Variants in ADAMTS2 observed in about 807,000 individuals in gnomAD.
ADAMTS2 encodes the protein A disintegrin and metalloproteinase with thrombospondin motifs 2.
A neutral mutation model predicts 123.0 loss-of-function variants in ADAMTS2; 50 were observed. The ratio of observed to expected loss-of-function variants is 0.41; its 90% CI spans 0.32 to 0.51. ADAMTS2 has a LOEUF of 0.51. Ranked by LOEUF, ADAMTS2 falls within the 20% of genes least tolerant of loss-of-function variation. The pLI is 0.35. For missense variants in ADAMTS2, 1,494 were observed against 1,705.2 expected, an observed-to-expected ratio of 0.88 and a Z score of 2.18; for synonymous variants, 678 against 695.4, an observed-to-expected ratio of 0.98 and a Z score of 0.39.
chr5:179,127,755 C>A (rs2113195003), intron 17 of ADAMTS2, among the ~76,000 whole-genome samples: 1 of 152,250 alleles, frequency 6.6e-6, no homozygotes, highest in East Asian at 1.9e-4. Flanking sequence ...CACCCTTTGG[C>A]CACATTTGAC....
chr5:179,336,223 C>T lies in ADAMTS2; in HGVS notation c.534+7544G>A, dbSNP rs575286727. Among the ~76,000 whole-genome samples the T allele has an allele frequency of 6.6e-5, 10 of 152,348 alleles. No individual in the cohort carries two copies. The East Asian group carries it at 1.4e-3, about 21-fold the overall frequency. On this transcript the variant is annotated intron_variant, in intron 2 of 21. Coordinates refer to ENST00000251582, the MANE Select transcript of ADAMTS2 (RefSeq NM_014244.5). ...ACGACACTTCCAACGCAGTCCCTCACTGTCAACACCCTGGACACTCAAAAT... is the reference window on the plus strand; with the variant it reads ...ACGACACTTCCAACGCAGTCCCTCATTGTCAACACCCTGGACACTCAAAAT...
In ADAMTS2 at chr5:179,130,186, C is replaced by T. The variant is rs1762933914; in HGVS notation, c.2291-88G>A. 1 of 1,532,772 alleles carries T rather than the reference C, an allele frequency of 6.5e-7. No homozygotes were observed. Among genetic ancestry groups the T allele is most frequent in the African/African-American group, 1.4e-5 (1 of 73,416 alleles). 94.9% of individuals were successfully genotyped at this position (1,532,772 alleles called of 1,614,324 possible). ...GTTTGGGCTGGTCGGGGAGTGGGGG[C>T]AGCTAGCTGGACCCCTTGTCTCTCT... On this transcript the variant is annotated intron_variant, in intron 15 of 21. Coordinates refer to ENST00000251582, the MANE Select transcript of ADAMTS2 (RefSeq NM_014244.5). This position sits in a 1 kb window ranked among gnomAD's most constrained non-coding sequence, Gnocchi z 4.3.
At position 179,275,580 on chromosome 5, in the gene ADAMTS2, G is replaced by A. The variant is rs1041654957; in HGVS notation, c.535-2516C>T. On this transcript the variant is annotated intron_variant, in intron 2 of 21. Coordinates refer to ENST00000251582, the MANE Select transcript of ADAMTS2 (RefSeq NM_014244.5). ...GAGTGGAGGGGGATTAGGCAGATGC[G>A]CAGAGGACGAGGCCATGGGCAGACA... is the stretch of plus-strand genomic sequence containing the variant. Among the ~76,000 whole-genome samples, 4 of 152,178 alleles carry A rather than the reference G, an allele frequency of 2.6e-5. No individual in the cohort carries two copies. In the East Asian group the frequency reaches 5.8e-4, roughly 22 times the overall value.
intron 2 of ADAMTS2, among the ~76,000 whole-genome samples, chr5:179,299,861 G>C (rs1468969354): frequency 6.6e-6 from 1 of 151,822 alleles, no homozygotes; most frequent in Admixed American, 6.6e-5. Flanking sequence ...TTGGGAGGCT[G>C]AGGCGGGCGG....
chr5:179,150,303 G>A (rs754795137), intron 10 of ADAMTS2, among the ~76,000 whole-genome samples: 4 of 152,198 alleles, frequency 2.6e-5, no homozygotes, highest in African/African-American at 9.7e-5. Context: ...GTTCTGCCCC[G>A]CTCCTTCTGC....
Position 179,207,553 on chromosome 5 carries a change from T to C in ADAMTS2, c.851A>G (p.Lys284Arg). Residue 284 changes from lysine (K) to arginine (R), a missense_variant, in exon 4 of 22, where the codon AAG becomes AGG. By Grantham distance (26) the Lys-to-Arg change is conservative. Coordinates refer to ENST00000251582, the MANE Select transcript of ADAMTS2 (RefSeq NM_014244.5). ...VDDSVVQFHGKEHVQKYLLTL... is the reference protein window; with the variant it reads ...VDDSVVQFHGREHVQKYLLTL... ...CAGCAGGTACTTCTGTACGTGCTCCTTCCCGTGGAACTGCACCACAGAGTC... is the reference window on the plus strand; with the variant it reads ...CAGCAGGTACTTCTGTACGTGCTCCCTCCCGTGGAACTGCACCACAGAGTC... The C allele has an allele frequency of 6.6e-7, 1 of 1,505,196 alleles. No homozygotes were observed. Among genetic ancestry groups the C allele is most frequent in the Non-Finnish European group, 9.0e-7 (1 of 1,115,882 alleles). The allele number at this position is 1,505,196 out of a possible 1,614,324, so 93.2% of individuals were successfully genotyped here.
rs866036538 is a variant in ADAMTS2, at chr5:179,129,877, C to A, written c.2457+55G>T. 16 of 1,607,352 alleles carry A rather than the reference C, an allele frequency of 1.0e-5. No homozygotes were observed. The Middle Eastern group carries it at 2.6e-3, about 266-fold the overall frequency. On this transcript the variant is annotated intron_variant, in intron 16 of 21. Coordinates refer to ENST00000251582, the MANE Select transcript of ADAMTS2 (RefSeq NM_014244.5). The surrounding 1 kb of genome is among the most constrained non-coding windows in gnomAD (Gnocchi z 4.1). Reference sequence around the variant, plus strand: ...GCTCAGCGTCCCAGGCACCCCCATCCCTCCCCCAGTGGCCACCCGCACCCT... The same window carrying A: ...GCTCAGCGTCCCAGGCACCCCCATCACTCCCCCAGTGGCCACCCGCACCCT...
At chr5:179,243,078 G>A (rs536616104) in intron 3 of ADAMTS2, among the ~76,000 whole-genome samples, 2 of 151,854 alleles carry the variant, frequency 1.3e-5, no homozygotes, top group South Asian at 2.1e-4. Context: ...AGATTCTGGC[G>A]GCAAGAATTT....
chr5:179,214,006 G>A lies in ADAMTS2; in HGVS notation c.689-6291C>T, dbSNP rs187463090. On this transcript the variant is annotated intron_variant, in intron 3 of 21. Coordinates refer to ENST00000251582, the MANE Select transcript of ADAMTS2 (RefSeq NM_014244.5). ...CGTTCAAACCCAACAGCCAGAACAC[G>A]TGACCTTGTCAAGCACACACGGGAG... Among the ~76,000 whole-genome samples, 20 of 152,312 alleles carry A rather than the reference G, an allele frequency of 1.3e-4. No individual in the cohort carries two copies. The East Asian group carries it at 2.1e-3, about 16-fold the overall frequency.
chr5:179,187,765 G>C (rs1044261420), intron 4 of ADAMTS2, among the ~76,000 whole-genome samples: 1 of 152,208 alleles, frequency 6.6e-6, no homozygotes, highest in African/African-American at 2.4e-5. Flanking sequence ...TAAACCTTGG[G>C]GGGAAATGTT....
At chr5:179,288,637 A>G (rs560401540) in intron 2 of ADAMTS2, among the ~76,000 whole-genome samples, 3 of 152,342 alleles carry the variant, frequency 2.0e-5, no homozygotes, top group South Asian at 2.1e-4. Context: ...CCAGGGCCCT[A>G]GGCCCCTCTG....
At chr5:179,163,606 C>A (rs966986812) in intron 5 of ADAMTS2, among the ~76,000 whole-genome samples, 5 of 152,196 alleles carry the variant, frequency 3.3e-5, no homozygotes, top group Admixed American at 2.6e-4. Context: ...CCCTTCTCCA[C>A]GTCCTGCAGA....
intron 19 of ADAMTS2, among the ~76,000 whole-genome samples, chr5:179,124,573 A>C (rs1333770196): frequency 6.6e-6 from 1 of 152,202 alleles, no homozygotes; most frequent in Non-Finnish European, 1.5e-5. Context: ...CAGTGAAGAC[A>C]CACATTCCAC....
Position 179,134,991 on chromosome 5 carries a change from C to T in ADAMTS2, c.2085+918G>A, listed in dbSNP as rs1315860726. ...CAGCCCCCAGCTCCGGGCCTCTAGCCCCCAGCTCCCGGCTCCAGTCCCCAG... is the reference window on the plus strand; with the variant it reads ...CAGCCCCCAGCTCCGGGCCTCTAGCTCCCAGCTCCCGGCTCCAGTCCCCAG... On this transcript the variant is annotated intron_variant, in intron 13 of 21. Coordinates refer to ENST00000251582, the MANE Select transcript of ADAMTS2 (RefSeq NM_014244.5). Among the ~76,000 whole-genome samples, 9 of 144,796 alleles carry T rather than the reference C, an allele frequency of 6.2e-5. 1 individual carries two copies. The highest frequency in any genetic ancestry group is 2.4e-4 in the African/African-American group (9 of 38,146). 95.0% of individuals were successfully genotyped at this position (144,796 alleles called of 152,430 possible).
intron 3 of ADAMTS2, among the ~76,000 whole-genome samples, chr5:179,233,362 T>C (rs1765453000): frequency 7.0e-6 from 1 of 142,638 alleles, no homozygotes; most frequent in African/African-American, 2.7e-5. Context: ...TTAAATGCTA[T>C]GCTTGTTAAA....
intron 13 of ADAMTS2, among the ~76,000 whole-genome samples, chr5:179,134,220 C>T (rs1191262870): frequency 1.3e-5 from 2 of 152,156 alleles, no homozygotes; most frequent in African/African-American, 2.4e-5. Flanking sequence ...GATATTTTGA[C>T]ATCTTAAAAA....
rs552173898 is a variant in ADAMTS2 at position 179,271,647 on chromosome 5, G to C, written c.688+1264C>G. Among the ~76,000 whole-genome samples the C allele has an allele frequency of 1.6e-3, 247 of 152,342 alleles. 1 individual carries two copies. The highest frequency in any genetic ancestry group is 5.9e-3 in the African/African-American group (244 of 41,588). On this transcript the variant is annotated intron_variant, in intron 3 of 21. Transcript: ENST00000251582. Reference sequence around the variant, plus strand: ...CTGGGCAGGCAGTACCCAGTGGCCCGGCTGTCTGCAGCATAGCAGACGCTG... The same window carrying C: ...CTGGGCAGGCAGTACCCAGTGGCCCCGCTGTCTGCAGCATAGCAGACGCTG...
intron 2 of ADAMTS2, among the ~76,000 whole-genome samples, chr5:179,329,169 T>C (rs993904907): frequency 4.6e-5 from 7 of 151,868 alleles, no homozygotes; most frequent in East Asian, 1.9e-4. Context: ...CTACTAAAAA[T>C]ACAAAAAATT....
At chr5:179,342,689 G>A (rs922171997) in intron 2 of ADAMTS2, among the ~76,000 whole-genome samples, 1 of 152,224 alleles carries the variant, frequency 6.6e-6, no homozygotes, top group Admixed American at 6.5e-5. Flanking sequence ...ACCCATGGTG[G>A]GCGGCTTCAG....
Sources: allele counts gnomAD v4.1 joint callset (sites outside exome capture counted in the v4.1 genomes callset), GRCh38; gene constraint gnomAD v4.1.1; non-coding constraint Gnocchi (gnomAD v3.1); transcripts MANE v1.5; gene names NCBI Gene and HGNC (gene_info 2026-07-23, HGNC 2026-07-21).